HDGFL2: variants seen among roughly 807,000 people sequenced by gnomAD.
The protein encoded by HDGFL2 is HDGF like 2.
A neutral mutation model predicts 77.1 loss-of-function variants in HDGFL2; 36 were observed. The ratio of observed to expected loss-of-function variants is 0.47; its 90% CI spans 0.36 to 0.62. The LOEUF (loss-of-function observed/expected upper bound fraction) is 0.62. HDGFL2 is among the 20% of genes least tolerant of loss of function. The probability of loss-of-function intolerance (pLI) is 0.00; values close to 1 mark genes in which losing one functional copy is unlikely to be tolerated. For missense variants in HDGFL2, 976 were observed against 973.4 expected, an observed-to-expected ratio of 1.00 and a Z score of -0.04; for synonymous variants, 463 against 413.1, an observed-to-expected ratio of 1.12 and a Z score of -1.46.
At chr19:4,492,936 G>GT (rs1975568278) in intron 6 of HDGFL2, among the ~76,000 whole-genome samples, 1 of 127,226 alleles carries the variant, frequency 7.9e-6, no homozygotes, top group Non-Finnish European at 1.7e-5. Context: ...CTGTGTGTGT[G>GT]GTGTGTGTGT....
Position 4,499,708 on chromosome 19 carries a change from A to C in HDGFL2, c.1789+4A>C. The C allele has an allele frequency of 6.3e-5, 46 of 730,146 alleles. No homozygotes were observed. Among genetic ancestry groups the C allele is most frequent in the Non-Finnish European group, 9.3e-5 (44 of 473,896 alleles). The allele number at this position is 730,146 out of a possible 1,614,324, so 45.2% of individuals were successfully genotyped here. A position where few individuals can be genotyped will look rare whatever the true frequency, so the allele number is the denominator to read the frequency against. On this transcript the variant is annotated splice_donor_region_variant and intron_variant, in intron 14 of 15. Transcript: ENST00000616600. ...GCGGAGGACAAGCCCAGCACCGGTG[A>C]GGGGCGGGTGGGGTGGGCCCTGTAC...
intron 6 of HDGFL2, among the ~76,000 whole-genome samples, chr19:4,492,357 G>T (rs913718071): frequency 3.3e-5 from 5 of 151,694 alleles, no homozygotes; most frequent in Non-Finnish European, 5.9e-5. Context: ...TGTGTTTCTG[G>T]TGCCTGTGTC....
chr19:4,494,963 G>T (rs1258337692), intron 9 of HDGFL2, among the ~76,000 whole-genome samples: 2 of 152,026 alleles, frequency 1.3e-5, no homozygotes, highest in African/African-American at 4.8e-5. Flanking sequence ...TGACATGAGG[G>T]TAGTGCGTGC....
Position 4,497,970 on chromosome 19 carries a change from G to A in HDGFL2, c.1341G>A (p.Val447=), listed in dbSNP as rs1451270304. Residue 447 remains valine, a synonymous_variant, in exon 11 of 16, where the codon GTG becomes GTA. Transcript: ENST00000616600. Reference sequence around the variant, plus strand: ...CACTTCTCCACAGGCCCGTGAAGGTGGAGCGGACCCGGAAGCGGTCCGAGG... The same window carrying A: ...CACTTCTCCACAGGCCCGTGAAGGTAGAGCGGACCCGGAAGCGGTCCGAGG... ...EEKQQAKPVK[V]ERTRKRSEGF... 5 of 1,554,182 alleles carry A rather than the reference G, an allele frequency of 3.2e-6. No individual in the cohort carries two copies. Among genetic ancestry groups the A allele is most frequent in the African/African-American group, 1.4e-5 (1 of 73,318 alleles).
intron 12 of HDGFL2, 126 bp from the exon 13 acceptor site, chr19:4,498,688 A>G (rs1327580254): frequency 4.5e-6 from 3 of 662,192 alleles, no homozygotes; most frequent in Non-Finnish European, 8.0e-6. Flanking sequence ...GGCTGAGGGG[A>G]GCTGTTCTGC....
intron 1 of HDGFL2, among the ~76,000 whole-genome samples, chr19:4,473,807 G>C (rs192190411): frequency 1.3e-5 from 2 of 152,122 alleles, no homozygotes; most frequent in East Asian, 3.9e-4. Flanking sequence ...TTGGTCCCCT[G>C]TGGGGAGGAG....
intron 3 of HDGFL2, among the ~76,000 whole-genome samples, chr19:4,480,496 A>ATC (rs1975185940): frequency 1.3e-5 from 2 of 152,184 alleles, no homozygotes; most frequent in Admixed American, 6.5e-5. Context: ...AGGCAGGTGG[A>ATC]TCACCTGAGG....
chr19:4,493,625 G>A (rs1301982545), intron 6 of HDGFL2, 78 bp from the exon 7 acceptor site: 20 of 1,322,438 alleles, frequency 1.5e-5, no homozygotes, highest in Middle Eastern at 2.8e-4. Flanking sequence ...AGGGGTGCGG[G>A]AGCCTCCTCT....
chr19:4,488,753 C>G lies in HDGFL2; in HGVS notation c.366C>G (p.Asp122Glu), dbSNP rs1475961079. 6 of 1,553,468 alleles carry G rather than the reference C, an allele frequency of 3.9e-6. No individual in the cohort carries two copies. In the African/African-American group the frequency reaches 4.1e-5, roughly 11 times the overall value. The change falls in exon 4 of 16, where the codon GAC becomes GAG. Residue 122 changes from aspartate (D) to glutamate (E), a missense_variant. Coordinates refer to ENST00000616600, the MANE Select transcript of HDGFL2 (RefSeq NM_001001520.3). ...DGSDADEDDE[D>E]RGVMAVTAVT... ...GTGACGCTGACGAGGACGATGAGGA[C>G]CGGGGGGTCATGGCCGTCACAGCGG... is the stretch of plus-strand genomic sequence containing the variant.
rs761085880 is a variant in HDGFL2, at chr19:4,472,398, G to A, written c.48G>A (p.Lys16=). ...GGGACTTGGTGTTCGCTAAGATGAA[G>A]GGCTACCCTCACTGGCCTGCCAGGG... ...KPGDLVFAKM[K]GYPHWPARID... Residue 16 remains lysine, a synonymous_variant, in exon 1 of 16, where the codon AAG becomes AAA. Coordinates refer to ENST00000616600, the MANE Select transcript of HDGFL2 (RefSeq NM_001001520.3). 3 of 1,518,914 alleles carry A rather than the reference G, an allele frequency of 2.0e-6. No homozygotes were observed. The highest frequency in any genetic ancestry group is 5.5e-5 in the East Asian group (2 of 36,648). 94.1% of individuals were successfully genotyped at this position (1,518,914 alleles called of 1,614,324 possible). A position where few individuals can be genotyped will look rare whatever the true frequency, so the allele number is the denominator to read the frequency against.
In HDGFL2 at chr19:4,497,734, G is replaced by T. The variant is rs577351316; in HGVS notation, c.1329-224G>T. On this transcript the variant is annotated intron_variant, in intron 10 of 15. Transcript: ENST00000616600. ...GAATCCTGGGATTTCATGAGAACTC[G>T]GGAAAAGGCTTGTATCTTTGGGCAG... The T allele has an allele frequency of 2.5e-4, 140 of 554,832 alleles. 1 individual carries two copies. In the East Asian group the frequency reaches 4.2e-3, roughly 17 times the overall value. The allele number at this position is 554,832 out of a possible 1,614,324, so 34.4% of individuals were successfully genotyped here. A position where few individuals can be genotyped will look rare whatever the true frequency, so the allele number is the denominator to read the frequency against.
chr19:4,472,455 G>GA lies in HDGFL2; in HGVS notation c.72+33_72+34insA, dbSNP rs762366436. On this transcript the variant is annotated intron_variant, in intron 1 of 15. Transcript: ENST00000616600. ...CGCGCGGGAGATGGGGCCGGTGGGG[G>GA]GGGGGGGGGGGGCAGCGGGGGCCCC... 3.9e-5 allele frequency: 19 copies of GA among 482,452 alleles called. 1 individual carries two copies. Among genetic ancestry groups the GA allele is most frequent in the Non-Finnish European group, 6.3e-5 (18 of 287,496 alleles). 29.9% of individuals were successfully genotyped at this position (482,452 alleles called of 1,614,324 possible). A position where few individuals can be genotyped will look rare whatever the true frequency, so the allele number is the denominator to read the frequency against.
At chr19:4,483,035 C>T (rs141533232) in intron 3 of HDGFL2, among the ~76,000 whole-genome samples, 1 of 152,220 alleles carries the variant, frequency 6.6e-6, no homozygotes, top group Non-Finnish European at 1.5e-5. Context: ...ACCCCAGGTA[C>T]GCGAGCCCTT....
At chr19:4,487,310 G>A (rs957683386) in intron 3 of HDGFL2, among the ~76,000 whole-genome samples, 1 of 151,692 alleles carries the variant, frequency 6.6e-6, no homozygotes, top group Admixed American at 6.6e-5. Context: ...AGTCTGGAGT[G>A]CAGTGGTGTG....
At chr19:4,501,649 G>C in intron 15 of HDGFL2, 1 of 481,208 alleles carries the variant, frequency 2.1e-6, no homozygotes, top group East Asian at 3.5e-5. Flanking sequence ...CCATCACTGT[G>C]GGCTGCTGTC....
chr19:4,484,912 C>G (rs1490747168), intron 3 of HDGFL2, among the ~76,000 whole-genome samples: 1 of 152,006 alleles, frequency 6.6e-6, no homozygotes, highest in Non-Finnish European at 1.5e-5. Context: ...ACCTCGTGAT[C>G]TGCCCGCCTC....
chr19:4,501,697 A>C (rs1975891739), intron 15 of HDGFL2: 1 of 508,798 alleles, frequency 2.0e-6, no homozygotes, highest in African/African-American at 2.0e-5. Context: ...CTTACCCAGC[A>C]GCTGCCTTGT....
At chr19:4,484,778 TCTC>T (rs1223725403) in intron 3 of HDGFL2, among the ~76,000 whole-genome samples, 1 of 149,976 alleles carries the variant, frequency 6.7e-6, no homozygotes, top group African/African-American at 2.5e-5. Context: ...TTCACGCCAT[TCTC>T]CTGCCTCAGC....
chr19:4,489,574 T>G (rs886332891), intron 4 of HDGFL2, among the ~76,000 whole-genome samples: 3 of 152,138 alleles, frequency 2.0e-5, no homozygotes, highest in Admixed American at 2.0e-4. Flanking sequence ...CGGCTAATTT[T>G]TCGTATTTTA....
Sources: gnomAD v4.1 joint callset for allele counts (sites outside exome capture counted in the v4.1 genomes callset) on GRCh38, gnomAD v4.1.1 for gene constraint, MANE v1.5 for transcripts, NCBI Gene and HGNC (gene_info 2026-07-23, HGNC 2026-07-21) for gene names.